CCDC32: variants seen among roughly 807,000 people sequenced by gnomAD.
CCDC32 encodes coiled-coil domain-containing protein 32.
Under a neutral mutation model 20.1 loss-of-function variants are expected in CCDC32, and 9 were observed. That is an observed-to-expected ratio of 0.45 (90% CI 0.27 to 0.78). The LOEUF (loss-of-function observed/expected upper bound fraction) is 0.78, where lower values mean the gene tolerates loss of function less well. Ranked by LOEUF, CCDC32 falls within the 30% of genes least tolerant of loss-of-function variation. The pLI is 0.16. For synonymous variants in CCDC32, 63 were observed against 79.0 expected, an observed-to-expected ratio of 0.80 and a Z score of 1.07; for missense variants, 204 against 215.5, an observed-to-expected ratio of 0.95 and a Z score of 0.33.
chr15:40,532,406 C>A, downstream of CCDC32: 1 of 667,824 alleles, frequency 1.5e-6, no homozygotes. Flanking sequence ...CGTCTTACTG[C>A]TGCTACTGCC....
chr15:40,536,092 C>T (rs1397902593), downstream of CCDC32: 1 of 152,252 alleles, frequency 6.6e-6, no homozygotes, highest in Non-Finnish European at 1.5e-5. Flanking sequence ...GTGTCTTTTG[C>T]TGGAGTCCCC....
At chr15:40,539,274 C>T (rs1889269427) in exon 4 of CCDC32, 8 of 1,535,522 alleles carry the variant, frequency 5.2e-6, no homozygotes, top group South Asian at 1.2e-5. Flanking sequence ...TCCTTCGCCA[C>T]CTCTGCTCAG....
At chr15:40,558,474 G>A (rs1281093297) in intron 2 of CCDC32, among the ~76,000 whole-genome samples, 1 of 152,076 alleles carries the variant, frequency 6.6e-6, no homozygotes, top group Non-Finnish European at 1.5e-5. Flanking sequence ...GATTCTCTTT[G>A]ATATAGGTTA....
At chr15:40,558,896 T>C (rs1217538804) in intron 2 of CCDC32, among the ~76,000 whole-genome samples, 1 of 149,998 alleles carries the variant, frequency 6.7e-6, no homozygotes, top group Non-Finnish European at 1.5e-5. Context: ...CTCCGCCTCC[T>C]GGGTTCAAGC....
At chr15:40,548,585 T>C (rs949694378), downstream of CCDC32, among the ~76,000 whole-genome samples, 4 of 152,272 alleles carry the variant, frequency 2.6e-5, no homozygotes, top group Non-Finnish European at 4.4e-5. Context: ...CTGGGACAGC[T>C]TAAAAACTGG....
rs1480416373 is a variant in CCDC32 at position 40,554,130 on chromosome 15, A to G, written c.402-3T>C. On this transcript the variant is annotated splice_region_variant and splice_polypyrimidine_tract_variant and intron_variant, in intron 3 of 3. Transcript: ENST00000416810. The stretch of plus-strand genomic sequence containing the variant: ...ACCTCTTGAAATGTTCCAAGGTGCT[A>G]TGAAAGGGCAGAATAAAAGGGTGGC... 2 of 1,611,826 alleles carry G rather than the reference A, an allele frequency of 1.2e-6. No individual in the cohort carries two copies. Among genetic ancestry groups the G allele is most frequent in the Admixed American group, 1.7e-5 (1 of 59,864 alleles).
intron 3 of CCDC32, among the ~76,000 whole-genome samples, chr15:40,544,012 C>T (rs1164116346): frequency 4.6e-5 from 7 of 152,194 alleles, no homozygotes; most frequent in Non-Finnish European, 1.0e-4. Flanking sequence ...AGACACTGAA[C>T]ACCTGTTTGG....
At chr15:40,530,794 G>C (rs1294974453), downstream of CCDC32, among the ~76,000 whole-genome samples, 2 of 149,650 alleles carry the variant, frequency 1.3e-5, no homozygotes, top group Non-Finnish European at 3.0e-5. Context: ...TCTTGGAACT[G>C]ACTCCCGGGC....
At chr15:40,541,927 G>A (rs1889411500) in intron 3 of CCDC32, among the ~76,000 whole-genome samples, 1 of 152,188 alleles carries the variant, frequency 6.6e-6, no homozygotes, top group African/African-American at 2.4e-5. Flanking sequence ...AGGTGATCAG[G>A]TGTTTGTCAT....
intron 3 of CCDC32, among the ~76,000 whole-genome samples, chr15:40,547,743 G>A (rs753272917): frequency 6.6e-6 from 1 of 152,200 alleles, no homozygotes; most frequent in African/African-American, 2.4e-5. Context: ...TAAAGGAGAG[G>A]ATTGTGGAAG....
At chr15:40,547,050 A>G (rs1889650508) in intron 3 of CCDC32, among the ~76,000 whole-genome samples, 1 of 152,076 alleles carries the variant, frequency 6.6e-6, no homozygotes, top group Non-Finnish European at 1.5e-5. Flanking sequence ...ATAAAACAGC[A>G]GAGACTGAGG....
At chr15:40,549,218 C>T (rs1041840050), downstream of CCDC32, among the ~76,000 whole-genome samples, 41 of 152,148 alleles carry the variant, frequency 2.7e-4, no homozygotes, top group Admixed American at 2.3e-3. Flanking sequence ...ACTCCAAACT[C>T]CTTAACATGG....
chr15:40,540,472 A>G (rs1889345314), intron 3 of CCDC32, among the ~76,000 whole-genome samples: 1 of 147,852 alleles, frequency 6.8e-6, no homozygotes, highest in Non-Finnish European at 1.5e-5. Flanking sequence ...GGTTCAAGCT[A>G]TTCTCCTTCT....
intron 1 of CCDC32, chr15:40,564,706 C>T (rs1165961807): frequency 1.9e-6 from 3 of 1,613,164 alleles, no homozygotes; most frequent in Non-Finnish European, 2.5e-6. Flanking sequence ...ATGTCTAGCG[C>T]TACAGTGAAC....
chr15:40,556,837 CAAAAAAAA>C (rs10647113), intron 3 of CCDC32: 1 of 111,150 alleles, frequency 9.0e-6, no homozygotes, highest in Admixed American at 9.4e-5. Context: ...GATTCCATCT[CAAAAAAAA>C]AAAAAAAAAA....
In CCDC32 at chr15:40,553,693, A is replaced by G. The variant is rs1890022295; in HGVS notation, c.*278T>C. The G allele has an allele frequency of 5.8e-5, 71 of 1,216,094 alleles. No homozygotes were observed. Among genetic ancestry groups the G allele is most frequent in the Non-Finnish European group, 7.3e-5 (71 of 976,996 alleles). 75.3% of individuals were successfully genotyped at this position (1,216,094 alleles called of 1,614,324 possible). On this transcript the variant is annotated 3_prime_UTR_variant, in exon 4 of 4. Transcript: ENST00000416810. ...AGACAGAGCTCAGCCAAGCTGTGAG[A>G]CACAGAGGAAAGCAGCATTTTGATC...
At chr15:40,543,920 C>T (rs2412534) in intron 3 of CCDC32, among the ~76,000 whole-genome samples, 77,629 of 152,072 alleles carry the variant, frequency 0.51, 20,944 homozygotes, top group East Asian at 0.75. Flanking sequence ...CCCAGGTACA[C>T]AGGTACATTT....
At chr15:40,555,558 C>A (rs1020930288) in intron 3 of CCDC32, among the ~76,000 whole-genome samples, 2 of 152,064 alleles carry the variant, frequency 1.3e-5, no homozygotes, top group Non-Finnish European at 2.9e-5. Context: ...TTAGGTTGGA[C>A]CTTTAGAGAT....
chr15:40,531,212 G>T (rs977077444), downstream of CCDC32: 33 of 151,486 alleles, frequency 2.2e-4, no homozygotes, highest in Middle Eastern at 3.4e-3. Context: ...AAATCAGGGG[G>T]TACAATGTGC....
Sources: allele counts gnomAD v4.1 joint callset (sites outside exome capture counted in the v4.1 genomes callset), GRCh38; gene constraint gnomAD v4.1.1; transcripts MANE v1.5; gene names NCBI Gene and HGNC (gene_info 2026-07-23, HGNC 2026-07-21).